The following NELL1 variants were observed in gnomAD, a reference collection of about 807,000 sequenced individuals.
The protein encoded by NELL1 is neural EGFL like 1, also known as protein kinase C-binding protein NELL1.
NELL1 carries 76 observed loss-of-function variants against 107.4 expected under a neutral mutation model. That is an observed-to-expected ratio of 0.71 (90% CI 0.59 to 0.86). The LOEUF (loss-of-function observed/expected upper bound fraction) is 0.86, where lower values mean the gene tolerates loss of function less well. Ranked by LOEUF, NELL1 falls within the 40% of genes least tolerant of loss-of-function variation. The probability of loss-of-function intolerance (pLI) is 0.00; values close to 1 mark genes in which losing one functional copy is unlikely to be tolerated. For missense variants in NELL1, 1,024 were observed against 1,005.5 expected, an observed-to-expected ratio of 1.02 and a Z score of -0.25; for synonymous variants, 353 against 341.2, an observed-to-expected ratio of 1.03 and a Z score of -0.38.
intron 15 of NELL1, among the ~76,000 whole-genome samples, chr11:21,400,024 G>C (rs1852063797): frequency 6.6e-6 from 1 of 151,718 alleles, no homozygotes; most frequent in Non-Finnish European, 1.5e-5. Flanking sequence ...GATTATTTCT[G>C]TATACTATGC....
chr11:21,063,233 C>T (rs1590599736), intron 12 of NELL1, among the ~76,000 whole-genome samples: 2 of 152,140 alleles, frequency 1.3e-5, no homozygotes, highest in South Asian at 4.1e-4. Flanking sequence ...GGCCCTAGCA[C>T]AGAGCTTCCA....
At position 21,222,919 on chromosome 11, in the gene NELL1, A is replaced by G. The variant is rs148981169; in HGVS notation, c.1427-6413A>G. On this transcript the variant is annotated intron_variant, in intron 13 of 19. Coordinates refer to ENST00000357134, the MANE Select transcript of NELL1 (RefSeq NM_006157.5). ...GTGGTCTGTGAAGAAACTTGATATG[A>G]TTTTAATTTTTGGAAATTTGTTTAG... is the stretch of plus-strand genomic sequence containing the variant. Among the ~76,000 whole-genome samples, 677 of 152,188 alleles carry G rather than the reference A, an allele frequency of 4.4e-3. 5 individuals carry two copies. Among genetic ancestry groups the G allele is most frequent in the Non-Finnish European group, 7.1e-3 (484 of 67,996 alleles).
intron 2 of NELL1, among the ~76,000 whole-genome samples, chr11:20,716,699 T>G (rs1855258157): frequency 6.6e-6 from 1 of 152,222 alleles, no homozygotes; most frequent in Admixed American, 6.5e-5. Context: ...ATCCTAGCTA[T>G]GACTCTTACT....
intron 13 of NELL1, among the ~76,000 whole-genome samples, chr11:21,118,441 C>T (rs1442762581): frequency 6.6e-6 from 1 of 151,978 alleles, no homozygotes; most frequent in Non-Finnish European, 1.5e-5. Flanking sequence ...ACCAAACGTG[C>T]TCTGTACTCT....
intron 2 of NELL1, among the ~76,000 whole-genome samples, chr11:20,737,685 C>T (rs1039958765): frequency 2.4e-4 from 36 of 151,856 alleles, no homozygotes; most frequent in Non-Finnish European, 1.2e-4. Context: ...TATACATCTC[C>T]TACTACTAGC....
chr11:21,569,946 G>T (rs1857060590), intron 17 of NELL1, among the ~76,000 whole-genome samples: 1 of 151,658 alleles, frequency 6.6e-6, no homozygotes. Flanking sequence ...TGACAGACAG[G>T]TCTTACCTTA....
chr11:21,331,092 A>T (rs1850262523), intron 14 of NELL1, among the ~76,000 whole-genome samples: 1 of 151,970 alleles, frequency 6.6e-6, no homozygotes, highest in African/African-American at 2.4e-5. Context: ...TTTTTATTTG[A>T]TGAGATATTG....
intron 2 of NELL1, among the ~76,000 whole-genome samples, chr11:20,721,250 T>TA (rs1564879339): frequency 7.8e-5 from 6 of 76,836 alleles, no homozygotes; most frequent in Non-Finnish European, 1.9e-4. Context: ...ATATATATAT[T>TA]TATTTGTTTG....
chr11:21,094,391 C>A (rs939555301), intron 12 of NELL1, among the ~76,000 whole-genome samples: 1 of 152,190 alleles, frequency 6.6e-6, no homozygotes, highest in African/African-American at 2.4e-5. Context: ...GCACATAGTG[C>A]AAGCTGTTGG....
intron 12 of NELL1, among the ~76,000 whole-genome samples, chr11:21,027,595 G>A (rs1002253165): frequency 1.8e-4 from 27 of 152,076 alleles, no homozygotes; most frequent in African/African-American, 6.5e-4. Flanking sequence ...CAAGGATGTT[G>A]ATGGGATTAT....
At chr11:20,886,876 A>C (rs1590381176) in intron 5 of NELL1, among the ~76,000 whole-genome samples, 1 of 152,236 alleles carries the variant, frequency 6.6e-6, no homozygotes, top group East Asian at 1.9e-4. Context: ...ACATACAGGA[A>C]AATTCATTCC....
chr11:20,808,555 T>C (rs1857433787), intron 3 of NELL1, among the ~76,000 whole-genome samples: 1 of 152,234 alleles, frequency 6.6e-6, no homozygotes, highest in East Asian at 1.9e-4. Flanking sequence ...CCAGGTTAGC[T>C]GGCTCTGAGT....
At chr11:21,034,541 A>G (rs1371307164) in intron 12 of NELL1, among the ~76,000 whole-genome samples, 1 of 152,218 alleles carries the variant, frequency 6.6e-6, no homozygotes, top group Non-Finnish European at 1.5e-5. Context: ...AAATCATAAC[A>G]AACAATCTCT....
At chr11:21,220,904 T>A (rs1377453591) in intron 13 of NELL1, among the ~76,000 whole-genome samples, 1 of 152,192 alleles carries the variant, frequency 6.6e-6, no homozygotes, top group Non-Finnish European at 1.5e-5. Context: ...TTGAGTACTA[T>A]GTTGACTAGC....
At chr11:21,029,671 A>G (rs2134314678) in intron 12 of NELL1, among the ~76,000 whole-genome samples, 1 of 152,270 alleles carries the variant, frequency 6.6e-6, no homozygotes, top group Middle Eastern at 3.4e-3. Flanking sequence ...TGCTGCCATA[A>G]GTCTTGGATT....
chr11:21,123,337 G>A (rs1376409187), intron 13 of NELL1, among the ~76,000 whole-genome samples: 2 of 47,786 alleles, frequency 4.2e-5, no homozygotes, highest in African/African-American at 2.0e-4. Flanking sequence ...GTGCCTGCGT[G>A]TGTGTGTGTG....
intron 12 of NELL1, among the ~76,000 whole-genome samples, chr11:20,968,439 C>T (rs116014345): frequency 6.6e-6 from 1 of 152,104 alleles, no homozygotes; most frequent in African/African-American, 2.4e-5. Flanking sequence ...ACTAGCATTG[C>T]TCAAGGGCTG....
intron 12 of NELL1, among the ~76,000 whole-genome samples, chr11:21,043,566 A>C (rs1009588712): frequency 6.6e-6 from 1 of 152,130 alleles, no homozygotes; most frequent in East Asian, 1.9e-4. Flanking sequence ...GTTTACTAGT[A>C]AAGGATTCTA....
At chr11:20,944,263 A>G (rs1026482512) in intron 10 of NELL1, among the ~76,000 whole-genome samples, 12 of 152,206 alleles carry the variant, frequency 7.9e-5, no homozygotes, top group African/African-American at 2.4e-4. Context: ...CTTCAGCAAC[A>G]CCAATTAGTC....
Sources: allele counts gnomAD v4.1 joint callset (sites outside exome capture counted in the v4.1 genomes callset), GRCh38; gene constraint gnomAD v4.1.1; transcripts MANE v1.5; gene names NCBI Gene and HGNC (gene_info 2026-07-23, HGNC 2026-07-21).